Variants in SLC2A5 observed in about 807,000 individuals in gnomAD.
SLC2A5 encodes solute carrier family 2 member 5, also known as solute carrier family 2, facilitated glucose transporter member 5.
In SLC2A5, 56 loss-of-function variants were observed where a neutral mutation model predicts 50.3. The observed-to-expected ratio is 1.11, with a 90% CI of 0.90 to 1.39. The LOEUF (loss-of-function observed/expected upper bound fraction) is 1.39, where lower values mean the gene tolerates loss of function less well. Ranked by LOEUF, SLC2A5 falls within the 40% of genes most tolerant of loss-of-function variation. SLC2A5 has a pLI of 0.00. For missense variants in SLC2A5, 566 were observed against 650.1 expected, an observed-to-expected ratio of 0.87 and a Z score of 1.41; for synonymous variants, 269 against 281.9, an observed-to-expected ratio of 0.95 and a Z score of 0.46.
At chr1:9,086,369 G>A (rs1642401583) in intron 1 of SLC2A5, among the ~76,000 whole-genome samples, 1 of 149,736 alleles carries the variant, frequency 6.7e-6, no homozygotes, top group African/African-American at 2.5e-5. Flanking sequence ...CAGAGGCTGG[G>A]ATTTTCTTTT....
intron 3 of SLC2A5, among the ~76,000 whole-genome samples, chr1:9,055,386 A>G (rs1443145038): frequency 3.9e-5 from 6 of 152,054 alleles, no homozygotes; most frequent in East Asian, 1.9e-4. Context: ...GTGTGGTGGC[A>G]TGCGCCTGTA....
chr1:9,053,764 T>C (rs111873173), intron 3 of SLC2A5, among the ~76,000 whole-genome samples: 1 of 149,396 alleles, frequency 6.7e-6, no homozygotes, highest in African/African-American at 2.5e-5. Flanking sequence ...ATCTCAGCTA[T>C]TTGGGAGGCT....
At chr1:9,058,063 G>T in intron 2 of SLC2A5, 89 bp downstream of exon 2, 2 of 918,258 alleles carry the variant, frequency 2.2e-6, no homozygotes, top group Non-Finnish European at 3.5e-6. Flanking sequence ...AGGACCCACT[G>T]CGTGAACAGC....
At chr1:9,046,694 G>GTGTGTA (rs1219298765) in intron 4 of SLC2A5, among the ~76,000 whole-genome samples, 1 of 149,826 alleles carries the variant, frequency 6.7e-6, no homozygotes, top group Non-Finnish European at 1.5e-5. Context: ...GTGTGTGTGT[G>GTGTGTA]TGTGTGTATG....
upstream of SLC2A5, chr1:9,069,640 A>G: frequency 2.5e-6 from 3 of 1,188,532 alleles, no homozygotes; most frequent in Non-Finnish European, 3.7e-6. Flanking sequence ...GGCCATGCCA[A>G]ATAACAGCCA....
intron 1 of SLC2A5, among the ~76,000 whole-genome samples, chr1:9,065,204 A>G (rs1027538938): frequency 2.6e-5 from 4 of 152,142 alleles, no homozygotes; most frequent in African/African-American, 4.8e-5. Context: ...ATGCTCTCCA[A>G]AGTACTTCCC....
upstream of SLC2A5, among the ~76,000 whole-genome samples, chr1:9,070,493 G>GA (rs1256092356): frequency 6.6e-6 from 1 of 152,104 alleles, no homozygotes; most frequent in Admixed American, 6.6e-5. Flanking sequence ...GCAGGGCAGG[G>GA]AAAATGAGTC....
intron 1 of SLC2A5, among the ~76,000 whole-genome samples, chr1:9,060,567 C>A (rs1483410886): frequency 1.4e-5 from 2 of 141,478 alleles, no homozygotes; most frequent in African/African-American, 5.1e-5. Flanking sequence ...ACACACCACA[C>A]ACATACACAC....
intron 1 of SLC2A5, among the ~76,000 whole-genome samples, chr1:9,061,301 A>G (rs1437553557): frequency 7.1e-6 from 1 of 141,688 alleles, no homozygotes; most frequent in Non-Finnish European, 1.5e-5. Flanking sequence ...AAAAAGAAAA[A>G]AGAAAAAATC....
chr1:9,046,357 TAA>T (rs2124346008), intron 4 of SLC2A5, among the ~76,000 whole-genome samples: 1 of 152,306 alleles, frequency 6.6e-6, no homozygotes, highest in East Asian at 1.9e-4. Context: ...GAGAGTTTTC[TAA>T]AATCACCACT....
In SLC2A5 at chr1:9,069,483, T is replaced by C. The variant is rs374183917; in HGVS notation, c.33+21A>G. 47 of 1,613,530 alleles carry C rather than the reference T, an allele frequency of 2.9e-5. No individual in the cohort carries two copies. The African/African-American group carries it at 6.0e-4, about 21-fold the overall frequency. Reference sequence around the variant, plus strand: ...GCAGCCAAGCCTGCTCTTGGCCCCTTTCCCTGAGCAACACACTCACCCCTT... The same window carrying C: ...GCAGCCAAGCCTGCTCTTGGCCCCTCTCCCTGAGCAACACACTCACCCCTT... On this transcript the variant is annotated intron_variant, in intron 1 of 11. Transcript: ENST00000377424.
At chr1:9,088,091 TC>T (rs1642422232) in intron 1 of SLC2A5, among the ~76,000 whole-genome samples, 1 of 152,094 alleles carries the variant, frequency 6.6e-6, no homozygotes, top group East Asian at 1.9e-4. Context: ...GGCAAGAGAT[TC>T]CCTGTATTCA....
At chr1:9,052,233 G>A (rs1380617867) in intron 3 of SLC2A5, among the ~76,000 whole-genome samples, 3 of 152,020 alleles carry the variant, frequency 2.0e-5, no homozygotes, top group African/African-American at 7.2e-5. Context: ...GCAGTGAGCC[G>A]AGATTGTGCC....
intron 3 of SLC2A5, among the ~76,000 whole-genome samples, chr1:9,056,396 G>C (rs1641752428): frequency 6.6e-6 from 1 of 152,080 alleles, no homozygotes; most frequent in Non-Finnish European, 1.5e-5. Context: ...TGTTGGCCAG[G>C]CTGGTCTCCA....
rs554020893 is a variant in SLC2A5, at chr1:9,076,368, G to C, written c.-58-6774C>G. Reference sequence around the variant, plus strand: ...GCGATGGAGATCTGCCCTAGCTGCTGTGCTTATCAAGACTGCATTTATACT... The same window carrying C: ...GCGATGGAGATCTGCCCTAGCTGCTCTGCTTATCAAGACTGCATTTATACT... On this transcript the variant is annotated intron_variant, in intron 2 of 5. Coordinates refer to the SLC2A5 transcript ENST00000464985. 1.2e-4 allele frequency among the ~76,000 whole-genome samples: 19 copies of C among 152,294 alleles called. No homozygotes were observed. In the South Asian group the frequency reaches 3.9e-3, roughly 32 times the overall value.
Position 9,038,440 on chromosome 1 carries a change from G to C in SLC2A5, c.1165C>G (p.Leu389Val). Residue 389 changes from leucine to valine, a missense_variant, in exon 10 of 12, where the codon CTC (leucine) becomes GTC (valine). Physicochemically the swap from Leu to Val is conservative, Grantham distance 32 (BLOSUM62 1). Coordinates refer to ENST00000377424, the MANE Select transcript of SLC2A5 (RefSeq NM_003039.3). Reference sequence around the variant, plus strand: ...AGCTTTGGGTACGTACTGGGCCCGAGGGCATGTCCTATGACGTAGGAGATG... The same window carrying C: ...AGCTTTGGGTACGTACTGGGCCCGACGGCATGTCCTATGACGTAGGAGATG... ...CVISYVIGHA[L>V]GPSPIPALLI... 1 of 1,612,792 alleles carries C rather than the reference G, an allele frequency of 6.2e-7. No individual in the cohort carries two copies. Among genetic ancestry groups the C allele is most frequent in the Non-Finnish European group, 8.5e-7 (1 of 1,179,006 alleles).
At position 9,078,727 on chromosome 1, in the gene SLC2A5, T is replaced by C. The variant is rs1642319552; in HGVS notation, c.-59+6287A>G. Among the ~76,000 whole-genome samples the C allele has an allele frequency of 2.6e-5, 4 of 152,218 alleles. No homozygotes were observed. The South Asian group carries it at 8.3e-4, about 32-fold the overall frequency. ...CCCTGAAGAAAATGGGTGAGGCAGC[T>C]ATCAGGAACAAAGTGTCGTCAAATA... On this transcript the variant is annotated intron_variant, in intron 2 of 5. Transcript: ENST00000464985.
At chr1:9,082,880 C>CA (rs35170455) in intron 2 of SLC2A5, 48,998 of 137,252 alleles carry the variant, frequency 0.36, 7,324 homozygotes, top group Admixed American at 0.49. Context: ...GCAAACAGGA[C>CA]AAAAAAAAAA....
chr1:9,073,323 T>C (rs1642245960), upstream of SLC2A5, among the ~76,000 whole-genome samples: 2 of 152,378 alleles, frequency 1.3e-5, no homozygotes, highest in Non-Finnish European at 2.9e-5. Flanking sequence ...CATTTCCCCA[T>C]TGCTCTTGCA....
Sources: allele counts gnomAD v4.1 joint callset (sites outside exome capture counted in the v4.1 genomes callset), GRCh38; gene constraint gnomAD v4.1.1; transcripts MANE v1.5; gene names NCBI Gene and HGNC (gene_info 2026-07-23, HGNC 2026-07-21).